Variants in MID1 observed in about 807,000 individuals in gnomAD.
MID1 encodes the protein midline 1.
Under a neutral mutation model 40.4 loss-of-function variants are expected in MID1, and 7 were observed. That is an observed-to-expected ratio of 0.17 (90% CI 0.10 to 0.33). The LOEUF (loss-of-function observed/expected upper bound fraction) is 0.33. Ranked by LOEUF, MID1 falls within the 10% of genes least tolerant of loss-of-function variation. The probability of loss-of-function intolerance (pLI) is 1.00; values close to 1 mark genes in which losing one functional copy is unlikely to be tolerated. For synonymous variants in MID1, 229 were observed against 221.2 expected, an observed-to-expected ratio of 1.04 and a Z score of -0.31; for missense variants, 367 against 558.5, an observed-to-expected ratio of 0.66 and a Z score of 3.46.
chrX:10,637,602 G>A (rs1936134218), intron 1 of MID1, among the ~76,000 whole-genome samples: 2 of 107,989 alleles, frequency 1.9e-5, no homozygotes, highest in African/African-American at 3.4e-5. Flanking sequence ...TCCAGCCTGG[G>A]TGACAGAGCA....
At chrX:10,575,923 C>T (rs1037826270) in intron 1 of MID1, among the ~76,000 whole-genome samples, 11 of 109,361 alleles carry the variant, frequency 1.0e-4, no homozygotes, top group African/African-American at 2.3e-4. Flanking sequence ...AATGTCAGCA[C>T]ACTCAAATTC....
chrX:10,548,679 T>C (rs1353537391), intron 2 of MID1, among the ~76,000 whole-genome samples: 1 of 111,914 alleles, frequency 8.9e-6, no homozygotes, highest in Non-Finnish European at 1.9e-5. Context: ...ATGAGTGTAC[T>C]TTGGAAGAAA....
chrX:10,454,663 G>A (rs1299790831), intron 9 of MID1, among the ~76,000 whole-genome samples: 3 of 111,935 alleles, frequency 2.7e-5, no homozygotes, highest in African/African-American at 9.8e-5. Flanking sequence ...AGAACCCACA[G>A]GTGTGGGTAT....
intron 1 of MID1, among the ~76,000 whole-genome samples, chrX:10,673,657 T>C (rs1350596615): frequency 9.0e-6 from 1 of 111,073 alleles, no homozygotes; most frequent in Non-Finnish European, 1.9e-5. Context: ...GAGTTCTCAA[T>C]TGATACGAGA....
At chrX:10,697,155 G>T (rs1277976278) in intron 1 of MID1, among the ~76,000 whole-genome samples, 1 of 111,412 alleles carries the variant, frequency 9.0e-6, no homozygotes, top group African/African-American at 3.3e-5. Context: ...AGGTGGTTTT[G>T]CTTTTTAGTT....
chrX:10,482,060 T>TA (rs899169600), intron 5 of MID1, among the ~76,000 whole-genome samples: 7 of 110,482 alleles, frequency 6.3e-5, no homozygotes, highest in South Asian at 3.9e-4. Flanking sequence ...TGTGTGATTT[T>TA]AAAAAAAAAT....
intron 1 of MID1, among the ~76,000 whole-genome samples, chrX:10,691,899 G>A (rs1251694990): frequency 9.0e-6 from 1 of 111,509 alleles, no homozygotes; most frequent in East Asian, 2.8e-4. Context: ...CCTTGGGGGA[G>A]GTCTATGAAT....
chrX:10,624,316 T>C (rs1386201842), upstream of MID1, among the ~76,000 whole-genome samples: 1 of 112,126 alleles, frequency 8.9e-6, no homozygotes, highest in Non-Finnish European at 1.9e-5. Context: ...GTAAATGTGT[T>C]GGATGACCAA....
chrX:10,449,572 G>T lies in MID1; in HGVS notation c.1800C>A (p.His600Gln), dbSNP rs1928197788. 3.3e-6 allele frequency: 4 copies of T among 1,209,986 alleles called. No individual in the cohort carries two copies. The African/African-American group carries it at 7.0e-5, about 21-fold the overall frequency. ...SKEIPIEPAPHLRRVGILLDY... is the reference protein window; with the variant it reads ...SKEIPIEPAPQLRRVGILLDY... ...CCAGCAGGATGCCCACGCGCCGGAG[G>T]TGGGGGGCAGGCTCAATGGGGATTT... Residue 600 changes from histidine (H) to glutamine (Q), a missense_variant, in exon 10 of 10, where the codon CAC (histidine) becomes CAA (glutamine). Around this residue, in one of 3 missense-constraint regions of MID1, gnomAD observed 275 missense variants for 383.1 expected, o/e 0.72. Coordinates refer to ENST00000317552, the MANE Select transcript of MID1 (RefSeq NM_000381.4).
intron 3 of MID1, among the ~76,000 whole-genome samples, chrX:10,519,982 C>CTGA (rs1192683139): frequency 8.9e-6 from 1 of 112,224 alleles, no homozygotes; most frequent in Admixed American, 9.5e-5. Flanking sequence ...TGCTTTTACA[C>CTGA]TGATAGGATC....
intron 1 of MID1, among the ~76,000 whole-genome samples, chrX:10,716,123 TA>T (rs1371428245): frequency 8.1e-5 from 9 of 111,654 alleles, no homozygotes; most frequent in Non-Finnish European, 1.1e-4. Flanking sequence ...CTGAAAAATC[TA>T]AAAATCAAGC....
intron 1 of MID1, among the ~76,000 whole-genome samples, chrX:10,755,842 A>G (rs1355834580): frequency 8.9e-6 from 1 of 112,190 alleles, no homozygotes; most frequent in Non-Finnish European, 1.9e-5. Context: ...CCACTGAAGT[A>G]AAGAAATATG....
At chrX:10,803,954 T>C (rs1018633578) in intron 1 of MID1, among the ~76,000 whole-genome samples, 4 of 110,811 alleles carry the variant, frequency 3.6e-5, no homozygotes, top group African/African-American at 1.4e-4. Flanking sequence ...CTGTTCCTTT[T>C]TTTAATTCTC....
At chrX:10,491,398 T>A (rs1930941830) in intron 4 of MID1, among the ~76,000 whole-genome samples, 1 of 110,804 alleles carries the variant, frequency 9.0e-6, no homozygotes, top group Admixed American at 9.7e-5. Flanking sequence ...GAAAGCTAAT[T>A]TTTTACTTTT....
In MID1 at chrX:10,698,264, A is replaced by T. The variant is rs760189095; in HGVS notation, c.-186-77845T>A. Among the ~76,000 whole-genome samples, 5 of 111,465 alleles carry T rather than the reference A, an allele frequency of 4.5e-5. No homozygotes were observed. In the East Asian group the frequency reaches 1.4e-3, roughly 32 times the overall value. ...CCCCCCATCCCTGCAACCATCCAGAAAAAACAGAGAAATGAAATAGCCTCA... is the reference window on the plus strand; with the variant it reads ...CCCCCCATCCCTGCAACCATCCAGATAAAACAGAGAAATGAAATAGCCTCA... On this transcript the variant is annotated intron_variant, in intron 1 of 10. Transcript: ENST00000380785.
chrX:10,721,923 AAAG>A (rs1248627817), intron 1 of MID1, among the ~76,000 whole-genome samples: 4 of 110,718 alleles, frequency 3.6e-5, no homozygotes, highest in South Asian at 3.9e-4. Context: ...AGAAGAAAAG[AAAG>A]AAGAAGACGA....
At chrX:10,533,374 A>G (rs1933080246) in intron 2 of MID1, among the ~76,000 whole-genome samples, 1 of 84,838 alleles carries the variant, frequency 1.2e-5, no homozygotes. Flanking sequence ...GAAAGAAAGA[A>G]AGAAAAAGAA....
At chrX:10,454,079 G>A in intron 9 of MID1, among the ~76,000 whole-genome samples, 1 of 112,433 alleles carries the variant, frequency 8.9e-6, no homozygotes, top group Non-Finnish European at 1.9e-5. Context: ...GTGCAGTTGT[G>A]GCTGTGGATT....
At chrX:10,756,335 A>G (rs2043632811) in intron 1 of MID1, among the ~76,000 whole-genome samples, 1 of 112,868 alleles carries the variant, frequency 8.9e-6, no homozygotes, top group South Asian at 3.6e-4. Flanking sequence ...AGAAATAAAG[A>G]CATTGCATGT....
Sources: gnomAD v4.1 joint callset for allele counts (sites outside exome capture counted in the v4.1 genomes callset) on GRCh38, gnomAD v4.1.1 for gene constraint, gnomAD v4.1.1 regional missense constraint, MANE v1.5 for transcripts, NCBI Gene and HGNC (gene_info 2026-07-23, HGNC 2026-07-21) for gene names.